GON4L: variants seen among roughly 807,000 people sequenced by gnomAD.
The protein encoded by GON4L is gon-4 like, also known as GON-4-like protein.
In GON4L, 87 loss-of-function variants were observed where a neutral mutation model predicts 211.8. The ratio of observed to expected loss-of-function variants is 0.41; its 90% CI spans 0.35 to 0.49. The LOEUF (loss-of-function observed/expected upper bound fraction) is 0.49. Among genes scored for constraint, GON4L ranks in the 20% least tolerant of loss-of-function variants. The probability of loss-of-function intolerance (pLI) is 0.15; values close to 1 mark genes in which losing one functional copy is unlikely to be tolerated. For synonymous variants in GON4L, 875 were observed against 962.6 expected (o/e 0.91, Z 1.68); for missense variants, 2,155 against 2,659.5 (o/e 0.81, Z 4.17).
At chr1:155,801,112 C>CAA (rs367752032) in intron 11 of GON4L, among the ~76,000 whole-genome samples, 4,111 of 72,968 alleles carry the variant, frequency 0.056, 133 homozygotes, top group African/African-American at 0.1. Context: ...TGCTGCTGCT[C>CAA]AAAAAAAAAA....
chr1:155,753,354 G>A lies in GON4L; in HGVS notation c.5692C>T (p.His1898Tyr), dbSNP rs750319122. ...EPHELVGSSP[H>Y]REASPMPGAK... The stretch of plus-strand genomic sequence containing the variant: ...CCAGGCATAGGACTAGCCTCTCGGT[G>A]GGGGCTGCTGCCCACCAACTCATGG... Residue 1898 changes from histidine to tyrosine, a missense_variant, in exon 29 of 32, where the codon CAC becomes TAC. His to Tyr is a moderately conservative substitution (Grantham distance 83, BLOSUM62 2). Around this residue, in one of 6 missense-constraint regions of GON4L, gnomAD observed 455 missense variants for 504.6 expected, o/e 0.90. Transcript: ENST00000368331. The A allele has an allele frequency of 1.9e-6, 3 of 1,613,682 alleles. No individual in the cohort carries two copies. Among genetic ancestry groups the A allele is most frequent in the Admixed American group, 1.7e-5 (1 of 59,994 alleles).
intron 2 of GON4L, among the ~76,000 whole-genome samples, chr1:155,833,414 C>T (rs140893634): frequency 0.016 from 2,387 of 151,932 alleles, 33 homozygotes; most frequent in Middle Eastern, 0.027. Flanking sequence ...TTTTGGGAGG[C>T]CGAGGCGGGC....
intron 11 of GON4L, among the ~76,000 whole-genome samples, chr1:155,800,877 A>C (rs796496135): frequency 7.3e-5 from 11 of 150,530 alleles, no homozygotes; most frequent in African/African-American, 2.7e-4. Flanking sequence ...AAAAAGGTTT[A>C]ACTTACCGTG....
chr1:155,776,604 G>A, intron 15 of GON4L, 123 bp from the exon 16 acceptor site: 1 of 803,742 alleles, frequency 1.2e-6, no homozygotes, highest in Non-Finnish European at 2.1e-6. Flanking sequence ...AGGCTGATGT[G>A]CAGTGATGCA....
intron 2 of GON4L, among the ~76,000 whole-genome samples, chr1:155,852,014 A>C (rs1011397189): frequency 6.6e-6 from 1 of 151,576 alleles, no homozygotes; most frequent in African/African-American, 2.4e-5. Context: ...AAAATAAAAA[A>C]ATTAGCTGGA....
chr1:155,824,560 T>C (rs1311863353), intron 3 of GON4L, among the ~76,000 whole-genome samples: 2 of 137,190 alleles, frequency 1.5e-5, no homozygotes. Context: ...CAGACCAACA[T>C]GATGAAACCC....
chr1:155,829,011 A>C (rs1669490203), intron 2 of GON4L, among the ~76,000 whole-genome samples: 1 of 152,008 alleles, frequency 6.6e-6, no homozygotes, highest in Non-Finnish European at 1.5e-5. Flanking sequence ...TTTTTTCCCT[A>C]GTTTGTGTAT....
intron 1 of GON4L, among the ~76,000 whole-genome samples, chr1:155,856,658 T>C (rs924335014): frequency 3.3e-5 from 5 of 152,124 alleles, no homozygotes; most frequent in African/African-American, 7.2e-5. Context: ...GAAGATTTCG[T>C]TGATTCCTGT....
At chr1:155,823,558 A>C (rs1307486092) in intron 3 of GON4L, among the ~76,000 whole-genome samples, 1 of 152,198 alleles carries the variant, frequency 6.6e-6, no homozygotes, top group Non-Finnish European at 1.5e-5. Context: ...ATGAAGGTCT[A>C]GAATATGCAA....
intron 19 of GON4L, among the ~76,000 whole-genome samples, chr1:155,770,251 A>G (rs750293234): frequency 1.3e-5 from 2 of 152,122 alleles, no homozygotes; most frequent in African/African-American, 4.8e-5. Context: ...AAGGCTGGGC[A>G]TAGTGGCTCA....
intron 14 of GON4L, among the ~76,000 whole-genome samples, chr1:155,779,321 A>AT (rs1324802494): frequency 6.0e-5 from 9 of 150,566 alleles, no homozygotes; most frequent in East Asian, 2.0e-4. Context: ...ACATAAACAG[A>AT]TTTTTTTTTC....
At chr1:155,772,776 A>C (rs1663338168) in intron 18 of GON4L, among the ~76,000 whole-genome samples, 1 of 151,892 alleles carries the variant, frequency 6.6e-6, no homozygotes, top group South Asian at 2.1e-4. Context: ...AAAATAAAAT[A>C]AAAGCGAACC....
chr1:155,802,640 T>G (rs150894845), intron 11 of GON4L, among the ~76,000 whole-genome samples: 1 of 152,218 alleles, frequency 6.6e-6, no homozygotes, highest in African/African-American at 2.4e-5. Flanking sequence ...CATATCTGAG[T>G]TTATTCAACA....
chr1:155,856,372 G>A (rs1344481192), intron 1 of GON4L, among the ~76,000 whole-genome samples: 1 of 151,636 alleles, frequency 6.6e-6, no homozygotes, highest in Non-Finnish European at 1.5e-5. Flanking sequence ...GGACTACAAG[G>A]CACTTGCCAC....
intron 11 of GON4L, among the ~76,000 whole-genome samples, chr1:155,797,968 CTACT>C (rs1557873139): frequency 6.6e-6 from 1 of 151,578 alleles, no homozygotes; most frequent in Admixed American, 6.6e-5. Context: ...ATAGTCCCAG[CTACT>C]CAGAAGGCTG....
At chr1:155,811,485 T>C (rs1011318280) in intron 10 of GON4L, among the ~76,000 whole-genome samples, 6 of 149,228 alleles carry the variant, frequency 4.0e-5, no homozygotes, top group African/African-American at 1.5e-4. Flanking sequence ...GCTGGGTGCA[T>C]TGGCTCACGT....
At chr1:155,767,709 T>G (rs1429953763) in intron 19 of GON4L, among the ~76,000 whole-genome samples, 168 bp from the exon 20 acceptor site, 2 of 152,106 alleles carry the variant, frequency 1.3e-5, no homozygotes, top group South Asian at 4.1e-4. Flanking sequence ...ATAAATAGCA[T>G]ATGCTGAATA....
In GON4L at chr1:155,765,443, T is replaced by C; in HGVS notation, c.4030A>G (p.Ile1344Val). ...TGTTCCACTTTGATGTCATCACAAA[T>C]ATCACGCTCAGGGGATCCACTGATT... ...EEISGSPERDICDDIKVEHAV... is the reference protein window; with the variant it reads ...EEISGSPERDVCDDIKVEHAV... Residue 1344 changes from isoleucine (I) to valine (V), a missense_variant, in exon 21 of 32, where the codon ATT becomes GTT. By Grantham distance (29) the Ile-to-Val change is conservative (BLOSUM62 3). Around this residue, in one of 6 missense-constraint regions of GON4L, gnomAD observed 615 missense variants for 625.7 expected, o/e 0.98. Transcript: ENST00000368331. 1 of 1,614,154 alleles carries C rather than the reference T, an allele frequency of 6.2e-7. No individual in the cohort carries two copies. Among genetic ancestry groups the C allele is most frequent in the South Asian group, 1.1e-5 (1 of 91,080 alleles).
intron 2 of GON4L, among the ~76,000 whole-genome samples, chr1:155,827,698 AC>A (rs56832857): frequency 0.056 from 2,995 of 53,136 alleles, 95 homozygotes; most frequent in African/African-American, 0.089. Flanking sequence ...ACACACACAC[AC>A]AAAAAAAAAA....
Sources: gnomAD v4.1 joint callset for allele counts (sites outside exome capture counted in the v4.1 genomes callset) on GRCh38, gnomAD v4.1.1 for gene constraint, gnomAD v4.1.1 regional missense constraint, MANE v1.5 for transcripts, NCBI Gene and HGNC (gene_info 2026-07-23, HGNC 2026-07-21) for gene names.